UGT1A7: variants seen among roughly 807,000 people sequenced by gnomAD.
The protein encoded by UGT1A7 is UDP-glucuronosyltransferase 1A7.
UGT1A7 carries 33 observed loss-of-function variants against 45.6 expected under a neutral mutation model. The observed-to-expected ratio is 0.72, with a 90% CI of 0.55 to 0.97. The LOEUF is 0.97. Among genes scored for constraint, UGT1A7 ranks in the 50% least tolerant of loss-of-function variants. The probability of loss-of-function intolerance (pLI) is 0.00; values close to 1 mark genes in which losing one functional copy is unlikely to be tolerated. For synonymous variants in UGT1A7, 274 were observed against 250.6 expected (o/e 1.09, Z -0.88); for missense variants, 684 against 666.2 (o/e 1.03, Z -0.29).
intron 1 of UGT1A7, among the ~76,000 whole-genome samples, chr2:233,730,659 C>T (rs572509077): frequency 5.9e-5 from 9 of 152,094 alleles, no homozygotes; most frequent in South Asian, 4.2e-4. Context: ...TCTCAGAGTT[C>T]GGAAGGCAAA....
chr2:233,772,168 A>C, intron 4 of UGT1A7, 94 bp from the exon 5 acceptor site: 1 of 1,573,330 alleles, frequency 6.4e-7, no homozygotes, highest in Non-Finnish European at 8.6e-7. Flanking sequence ...AAGTTTGGAA[A>C]ATCTGGTAGT....
At chr2:233,744,177 C>G (rs1335639755) in intron 1 of UGT1A7, among the ~76,000 whole-genome samples, 1 of 151,854 alleles carries the variant, frequency 6.6e-6, no homozygotes, top group Admixed American at 6.5e-5. Context: ...CGGCCTCCAA[C>G]CAGCCATGGT....
At position 233,721,180 on chromosome 2, in the gene UGT1A7, C is replaced by A. The variant is rs28898614; in HGVS notation, c.855+38388C>A. On this transcript the variant is annotated intron_variant, in intron 1 of 4. Coordinates refer to ENST00000373426, the MANE Select transcript of UGT1A7 (RefSeq NM_019077.3). Reference sequence around the variant, plus strand: ...AACTTTATTTTTGTTTTTGATCAAACCACAAGATATTTGTTCTACTGGTTT... The same window carrying A: ...AACTTTATTTTTGTTTTTGATCAAAACACAAGATATTTGTTCTACTGGTTT... Among the ~76,000 whole-genome samples the A allele has an allele frequency of 9.2e-3, 1,399 of 152,232 alleles. 33 individuals carry two copies. Among genetic ancestry groups the A allele is most frequent in the African/African-American group, 0.032 (1,310 of 41,542 alleles).
chr2:233,743,455 A>G (rs781319015), intron 1 of UGT1A7: 2 of 1,366,026 alleles, frequency 1.5e-6, no homozygotes, highest in Non-Finnish European at 9.8e-7. Flanking sequence ...AAAAGAAGAA[A>G]AAACACCCCC....
At chr2:233,737,647 C>T (rs1413488043) in intron 1 of UGT1A7, among the ~76,000 whole-genome samples, 1 of 152,204 alleles carries the variant, frequency 6.6e-6, no homozygotes, top group African/African-American at 2.4e-5. Flanking sequence ...GTCGATCATG[C>T]TGGGAGCTGC....
intron 1 of UGT1A7, among the ~76,000 whole-genome samples, chr2:233,726,081 A>G (rs1169774855): frequency 6.6e-6 from 1 of 152,170 alleles, no homozygotes; most frequent in Non-Finnish European, 1.5e-5. Flanking sequence ...CAGGAGGATT[A>G]CTTGATCCGA....
At chr2:233,744,255 T>C (rs1692752332) in intron 1 of UGT1A7, among the ~76,000 whole-genome samples, 1 of 151,806 alleles carries the variant, frequency 6.6e-6, no homozygotes, top group African/African-American at 2.4e-5. Flanking sequence ...CCTGAAGAAC[T>C]GTTTTTCTTA....
At chr2:233,708,644 G>A (rs970833084) in intron 1 of UGT1A7, 4 of 152,176 alleles carry the variant, frequency 2.6e-5, no homozygotes, top group African/African-American at 9.7e-5. Context: ...CTAACTACTC[G>A]GAAGGCTGAG....
intron 4 of UGT1A7, 76 bp from the exon 5 acceptor site, chr2:233,772,186 A>G (rs1281313129): frequency 2.5e-6 from 4 of 1,593,838 alleles, no homozygotes; most frequent in Non-Finnish European, 2.6e-6. Flanking sequence ...AGTCTTCTTA[A>G]GCAGCCATGA....
chr2:233,760,713 A>G (rs1697537023), intron 1 of UGT1A7: 3 of 1,614,082 alleles, frequency 1.9e-6, no homozygotes, highest in African/African-American at 2.7e-5. Context: ...CCCTGGCAGA[A>G]AGCAGCTTTG....
intron 1 of UGT1A7, chr2:233,689,798 T>TTTCTATAGGA: frequency 2.3e-6 from 1 of 430,464 alleles, no homozygotes; most frequent in Admixed American, 2.7e-5. Context: ...TGATCTGTAG[T>TTTCTATAGGA]TTCTATAGGA....
intron 1 of UGT1A7, chr2:233,743,882 C>A: frequency 2.9e-6 from 4 of 1,367,088 alleles, no homozygotes; most frequent in Non-Finnish European, 3.9e-6. Flanking sequence ...TGAGGCCTGC[C>A]GGGGCACGTC....
intron 1 of UGT1A7, among the ~76,000 whole-genome samples, chr2:233,730,418 A>G (rs1198959382): frequency 2.0e-5 from 3 of 152,174 alleles, no homozygotes; most frequent in Non-Finnish European, 4.4e-5. Context: ...TGACATGATA[A>G]TTTTTAGTTG....
intron 1 of UGT1A7, among the ~76,000 whole-genome samples, chr2:233,751,173 T>C (rs1694658856): frequency 6.6e-6 from 1 of 151,974 alleles, no homozygotes; most frequent in Non-Finnish European, 1.5e-5. Context: ...GACCTAGATA[T>C]GAGACATGAA....
rs552821881 is a variant in UGT1A7, at chr2:233,706,635, T to C, written c.855+23843T>C. ...AGACTAGAGAAATGAGTGTTTCTAC[T>C]GTGTCTGTGCCCCATCACTGTAGGT... On this transcript the variant is annotated intron_variant, in intron 1 of 4. Transcript: ENST00000373426. Among the ~76,000 whole-genome samples, 3 of 152,330 alleles carry C rather than the reference T, an allele frequency of 2.0e-5. No homozygotes were observed. The South Asian group carries it at 6.2e-4, about 32-fold the overall frequency.
In UGT1A7 at chr2:233,769,851, C is replaced by A; in HGVS notation, c.1295+1412C>A. On this transcript the variant is annotated intron_variant, in intron 4 of 4. Coordinates refer to ENST00000373426, the MANE Select transcript of UGT1A7 (RefSeq NM_019077.3). The surrounding 1 kb of genome is among the most constrained non-coding windows in gnomAD (Gnocchi z 4.4). ...GCAACCTGGGCAACAGAGTGAGACC[C>A]TGTCTCAAAAAAAAAAAAAAAAATG... The A allele has an allele frequency of 2.1e-6, 1 of 479,202 alleles. No homozygotes were observed. Among genetic ancestry groups the A allele is most frequent in the Non-Finnish European group, 3.3e-6 (1 of 301,676 alleles). The allele number at this position is 479,202 out of a possible 1,614,324, so 29.7% of individuals were successfully genotyped here. A position where few individuals can be genotyped will look rare whatever the true frequency, so the allele number is the denominator to read the frequency against.
intron 1 of UGT1A7, chr2:233,747,808 C>G (rs1432471540): frequency 1.2e-6 from 2 of 1,613,386 alleles, no homozygotes; most frequent in African/African-American, 2.7e-5. Flanking sequence ...AAGTTACTAA[C>G]GACCAATTCA....
chr2:233,703,659 G>T (rs568128054), intron 1 of UGT1A7, among the ~76,000 whole-genome samples: 1 of 151,826 alleles, frequency 6.6e-6, no homozygotes, highest in African/African-American at 2.4e-5. Context: ...ATTTCTTTTG[G>T]TTGCTGTTTC....
At chr2:233,730,052 G>T in intron 1 of UGT1A7, 3 of 1,612,052 alleles carry the variant, frequency 1.9e-6, no homozygotes, top group Non-Finnish European at 2.5e-6. Flanking sequence ...TTAAAAAAAT[G>T]TATTTATTTA....
Sources: gnomAD v4.1 joint callset for allele counts (sites outside exome capture counted in the v4.1 genomes callset) on GRCh38, gnomAD v4.1.1 for gene constraint, Gnocchi (gnomAD v3.1) non-coding constraint, MANE v1.5 for transcripts, NCBI Gene and HGNC (gene_info 2026-07-23, HGNC 2026-07-21) for gene names.